CFAP20DC: variants seen among roughly 807,000 people sequenced by gnomAD.
CFAP20DC encodes protein CFAP20DC.
CFAP20DC carries 84 observed loss-of-function variants against 101.7 expected under a neutral mutation model. The ratio of observed to expected loss-of-function variants is 0.83; its 90% CI spans 0.69 to 0.99. CFAP20DC has a LOEUF of 0.99. Ranked by LOEUF, CFAP20DC falls within the 50% of genes least tolerant of loss-of-function variation. The pLI is 0.00. For missense variants in CFAP20DC, 1,007 were observed against 970.3 expected (o/e 1.04, Z -0.50); for synonymous variants, 359 against 351.2 (o/e 1.02, Z -0.25).
Position 58,719,749 on chromosome 3 carries a change from GT to G in CFAP20DC, c.198-2122del, listed in dbSNP as rs147363472. The stretch of plus-strand genomic sequence containing the variant: ...CCAAAGAGCCAGCTCAGGCTTCCCT[GT>G]GTTACTACTTTTGGGTAAGAGGCTG... On this transcript the variant is annotated intron_variant, in intron 3 of 3. Coordinates refer to the CFAP20DC transcript ENST00000486145. Among the ~76,000 whole-genome samples, 38 of 152,326 alleles carry G rather than the reference GT, an allele frequency of 2.5e-4. 1 individual carries two copies. In the East Asian group the frequency reaches 7.3e-3, roughly 29 times the overall value.
At position 58,897,545 on chromosome 3, in the gene CFAP20DC, C is replaced by T. The variant is rs1225312697; in HGVS notation, c.551-12836G>A. 6.6e-6 allele frequency among the ~76,000 whole-genome samples: 1 copy of T among 152,176 alleles called. No individual in the cohort carries two copies. The highest frequency in any genetic ancestry group is 1.5e-5 in the Non-Finnish European group (1 of 68,040). On this transcript the variant is annotated intron_variant, in intron 6 of 16. Coordinates refer to ENST00000482387, the MANE Select transcript of CFAP20DC (RefSeq NM_001394063.1). The surrounding 1 kb of genome is among the most constrained non-coding windows in gnomAD (Gnocchi z 4.4). ...TATTTCCTTTCCATATTTAGTGCTT[C>T]CTTCAGAAGTGCTTGCAAGGCAAGC...
At chr3:59,010,126 G>C (rs1324164977) in intron 4 of CFAP20DC, among the ~76,000 whole-genome samples, 1 of 151,650 alleles carries the variant, frequency 6.6e-6, no homozygotes, top group Non-Finnish European at 1.5e-5. Flanking sequence ...AATCTCACAG[G>C]GCCTAGAAAA....
chr3:58,809,586 C>T (rs1353320174), intron 14 of CFAP20DC, among the ~76,000 whole-genome samples: 1 of 151,702 alleles, frequency 6.6e-6, no homozygotes, highest in Non-Finnish European at 1.5e-5. Flanking sequence ...ACTAAATGCC[C>T]ACAAGAGAAA....
At chr3:58,935,880 G>T (rs1184065057) in intron 5 of CFAP20DC, among the ~76,000 whole-genome samples, 1 of 152,014 alleles carries the variant, frequency 6.6e-6, no homozygotes, top group Non-Finnish European at 1.5e-5. Flanking sequence ...CTTCATGTCT[G>T]AAACACCAAA....
downstream of CFAP20DC, among the ~76,000 whole-genome samples, chr3:58,739,630 G>A: frequency 6.6e-6 from 1 of 152,214 alleles, no homozygotes; most frequent in Non-Finnish European, 1.5e-5. Context: ...TGGCTGGGGA[G>A]GTTTTAAAAA....
intron 3 of CFAP20DC, among the ~76,000 whole-genome samples, chr3:58,723,145 TAATA>T (rs1559523821): frequency 6.6e-6 from 1 of 152,240 alleles, no homozygotes; most frequent in South Asian, 2.1e-4. Flanking sequence ...CTCAGCACAA[TAATA>T]AATACTTACC....
intron 14 of CFAP20DC, among the ~76,000 whole-genome samples, chr3:58,809,650 A>AGC (rs1159931749): frequency 6.6e-6 from 1 of 152,208 alleles, no homozygotes. Flanking sequence ...GAACTAGAAA[A>AGC]GCAAGAGCAA....
intron 14 of CFAP20DC, among the ~76,000 whole-genome samples, chr3:58,813,956 T>A (rs536372344): frequency 8.6e-5 from 13 of 151,918 alleles, no homozygotes; most frequent in Non-Finnish European, 1.6e-4. Context: ...TTAGGCTTTA[T>A]TATTTCACAG....
chr3:58,870,388 C>T, intron 7 of CFAP20DC, 79 bp from the exon 8 acceptor site: 3 of 1,452,218 alleles, frequency 2.1e-6, no homozygotes, highest in Non-Finnish European at 2.9e-6. Context: ...TTCTAAAAAT[C>T]CAGTCCAGGT....
chr3:58,850,027 T>G (rs980263116), intron 12 of CFAP20DC, among the ~76,000 whole-genome samples: 2 of 152,166 alleles, frequency 1.3e-5, no homozygotes, highest in African/African-American at 2.4e-5. Flanking sequence ...ATATAAATAC[T>G]TGGAAAGCTG....
chr3:58,732,033 A>G lies in CFAP20DC; in HGVS notation c.198-14405T>C, dbSNP rs1055330503. Among the ~76,000 whole-genome samples the G allele has an allele frequency of 6.6e-6, 1 of 152,212 alleles. No homozygotes were observed. Among genetic ancestry groups the G allele is most frequent in the Non-Finnish European group, 1.5e-5 (1 of 68,032 alleles). On this transcript the variant is annotated intron_variant, in intron 3 of 3. Coordinates refer to the CFAP20DC transcript ENST00000486145. This position sits in a 1 kb window ranked among gnomAD's most constrained non-coding sequence, Gnocchi z 5.4. The stretch of plus-strand genomic sequence containing the variant: ...AGTTGCGAGGATTAAATGAGAAAAT[A>G]TGCACATACAGTTCAGTGCGATGCT...
chr3:58,878,658 AGAT>A (rs2080962045), intron 7 of CFAP20DC, among the ~76,000 whole-genome samples: 1 of 152,200 alleles, frequency 6.6e-6, no homozygotes, highest in Non-Finnish European at 1.5e-5. Context: ...CTTCCCAGGA[AGAT>A]GATGCTTAAA....
intron 1 of CFAP20DC, 27 bp downstream of exon 1, chr3:59,049,584 A>G (rs1384782692): frequency 2.0e-6 from 3 of 1,534,462 alleles, no homozygotes; most frequent in Non-Finnish European, 2.6e-6. Flanking sequence ...AAAGGTATAG[A>G]CAGGTTGGAG....
At chr3:59,025,372 T>C (rs2093875780) in intron 4 of CFAP20DC, among the ~76,000 whole-genome samples, 1 of 152,118 alleles carries the variant, frequency 6.6e-6, no homozygotes, top group Non-Finnish European at 1.5e-5. Context: ...GCTCCATCTG[T>C]CTTTAGGGAC....
At chr3:58,968,863 C>T (rs1210657995) in intron 4 of CFAP20DC, among the ~76,000 whole-genome samples, 2 of 152,010 alleles carry the variant, frequency 1.3e-5, no homozygotes, top group East Asian at 1.9e-4. Flanking sequence ...AGTGTTTAAT[C>T]CATTTTGAGT....
At chr3:58,988,113 GT>G (rs1186659160) in intron 4 of CFAP20DC, among the ~76,000 whole-genome samples, 3 of 152,028 alleles carry the variant, frequency 2.0e-5, no homozygotes, top group Admixed American at 2.0e-4. Flanking sequence ...ACCAACAGAG[GT>G]TATGGTCAAG....
chr3:58,751,175 G>A (rs1392731370), intron 16 of CFAP20DC, among the ~76,000 whole-genome samples: 1 of 152,160 alleles, frequency 6.6e-6, no homozygotes, highest in African/African-American at 2.4e-5. Context: ...GGATCCAGGA[G>A]TGAGCAAACT....
downstream of CFAP20DC, among the ~76,000 whole-genome samples, chr3:58,739,090 G>C (rs2067823375): frequency 6.6e-6 from 1 of 151,928 alleles, no homozygotes. Context: ...AATATAATAG[G>C]GCAAGATTTT....
chr3:58,856,265 G>GACACACACACACACACACAC (rs536277954), intron 12 of CFAP20DC, among the ~76,000 whole-genome samples: 10 of 124,068 alleles, frequency 8.1e-5, no homozygotes, highest in Non-Finnish European at 1.4e-4. Flanking sequence ...TTCATCTTCT[G>GACACACACACACACACACAC]ACACACACAC....
Sources: gnomAD v4.1 joint callset for allele counts (sites outside exome capture counted in the v4.1 genomes callset) on GRCh38, gnomAD v4.1.1 for gene constraint, Gnocchi (gnomAD v3.1) non-coding constraint, MANE v1.5 for transcripts, NCBI Gene and HGNC (gene_info 2026-07-23, HGNC 2026-07-21) for gene names.